The following RAP1GDS1 variants were observed in gnomAD, a reference collection of about 807,000 sequenced individuals.
RAP1GDS1 encodes Rap1 GTPase-GDP dissociation stimulator 1.
A neutral mutation model predicts 71.1 loss-of-function variants in RAP1GDS1; 35 were observed. The ratio of observed to expected loss-of-function variants is 0.49; its 90% CI spans 0.38 to 0.65. The LOEUF (loss-of-function observed/expected upper bound fraction) is 0.65. Ranked by LOEUF, RAP1GDS1 falls within the 30% of genes least tolerant of loss-of-function variation. The pLI is 0.00. For missense variants in RAP1GDS1, 663 were observed against 706.1 expected (o/e 0.94, Z 0.69); for synonymous variants, 229 against 243.1 (o/e 0.94, Z 0.54).
At chr4:98,336,370 T>C (rs1340175918) in intron 2 of RAP1GDS1, among the ~76,000 whole-genome samples, 1 of 152,172 alleles carries the variant, frequency 6.6e-6, no homozygotes, top group Non-Finnish European at 1.5e-5. Flanking sequence ...TTAAAGAAAA[T>C]AGTCAAACTA....
chr4:98,437,795 A>C (rs1751349423), intron 14 of RAP1GDS1, among the ~76,000 whole-genome samples: 1 of 151,748 alleles, frequency 6.6e-6, no homozygotes, highest in Admixed American at 6.6e-5. Context: ...CTGTCTCAAA[A>C]AAAAAAAAAA....
intron 1 of RAP1GDS1, among the ~76,000 whole-genome samples, chr4:98,272,056 C>T (rs1269808502): frequency 1.3e-5 from 2 of 152,154 alleles, no homozygotes; most frequent in Non-Finnish European, 2.9e-5. Flanking sequence ...TGATGCCACA[C>T]TGGGAACAGC....
At chr4:98,304,098 G>C (rs934902365) in intron 2 of RAP1GDS1, among the ~76,000 whole-genome samples, 1 of 152,094 alleles carries the variant, frequency 6.6e-6, no homozygotes, top group Non-Finnish European at 1.5e-5. Context: ...GTCTATCATT[G>C]ATGGGCATTT....
intron 1 of RAP1GDS1, among the ~76,000 whole-genome samples, chr4:98,268,180 A>C (rs1722961066): frequency 6.6e-6 from 1 of 152,216 alleles, no homozygotes; most frequent in Non-Finnish European, 1.5e-5. Context: ...AAATCAATAA[A>C]TGTGATACAC....
At chr4:98,388,005 T>C (rs757300672) in intron 5 of RAP1GDS1, among the ~76,000 whole-genome samples, 49 of 152,224 alleles carry the variant, frequency 3.2e-4, no homozygotes, top group Non-Finnish European at 6.3e-4. Flanking sequence ...ATACCATGGA[T>C]GTCAGCTATT....
chr4:98,416,917 A>C, intron 8 of RAP1GDS1, 29 bp downstream of exon 8: 1 of 1,605,366 alleles, frequency 6.2e-7, no homozygotes, highest in African/African-American at 1.3e-5. Context: ...CAGCCAAAGA[A>C]TGTGGTTGTC....
intron 5 of RAP1GDS1, among the ~76,000 whole-genome samples, chr4:98,389,015 ATTTGTGATGGTGAAG>A (rs1743202503): frequency 6.6e-6 from 1 of 152,188 alleles, no homozygotes; most frequent in African/African-American, 2.4e-5. Flanking sequence ...TTGTTTTACT[ATTTGTGATGGTGAAG>A]AAAACAATGG....
intron 2 of RAP1GDS1, among the ~76,000 whole-genome samples, chr4:98,341,246 G>A (rs1356949507): frequency 6.6e-6 from 1 of 152,068 alleles, no homozygotes; most frequent in African/African-American, 2.4e-5. Context: ...GAAAAACCAG[G>A]TTATGTTTTT....
chr4:98,421,313 G>T lies in RAP1GDS1; in HGVS notation c.1359G>T (p.Trp453Cys), dbSNP rs772946625. Residue 453 changes from tryptophan to cysteine, a missense_variant, in exon 12 of 15, where the codon TGG (tryptophan) becomes TGT (cysteine). By Grantham distance (215) the Trp-to-Cys change is radical. Transcript: ENST00000408927. The part of the protein sequence containing the change: ...NVKLVERLVE[W>C]CEAKDHAGVM... ...AGTTAGTGGAGCGTTTGGTGGAATG[G>T]TGTGAAGCCAAAGATCATGCTGGTG... 2.4e-5 allele frequency: 39 copies of T among 1,612,220 alleles called. No homozygotes were observed. Among genetic ancestry groups the T allele is most frequent in the Middle Eastern group, 1.6e-4 (1 of 6,074 alleles).
chr4:98,266,433 A>G (rs1217735635), intron 1 of RAP1GDS1, among the ~76,000 whole-genome samples: 1 of 152,098 alleles, frequency 6.6e-6, no homozygotes, highest in Non-Finnish European at 1.5e-5. Context: ...TTCTAATTAT[A>G]TTTTTAATTC....
chr4:98,421,000 G>A (rs762474238), intron 11 of RAP1GDS1, among the ~76,000 whole-genome samples: 4 of 152,014 alleles, frequency 2.6e-5, no homozygotes, highest in Admixed American at 6.6e-5. Flanking sequence ...ATTATAGTCC[G>A]CCAGAGCACT....
At chr4:98,384,392 T>C (rs1742435750) in intron 5 of RAP1GDS1, among the ~76,000 whole-genome samples, 1 of 151,666 alleles carries the variant, frequency 6.6e-6, no homozygotes, top group South Asian at 2.1e-4. Context: ...TAAAAATTCC[T>C]GAATTTTTGC....
rs189214942 is a variant in RAP1GDS1 at position 98,442,608 on chromosome 4, C to T, written c.*491C>T. ...GCTGCTTATTCATTAGTCTTTCCTA[C>T]TGATGTCAAATCCATGGTACCTAGA... On this transcript the variant is annotated 3_prime_UTR_variant, in exon 15 of 15. Transcript: ENST00000408927. 1 of 228,124 alleles carries T rather than the reference C, an allele frequency of 4.4e-6. No individual in the cohort carries two copies. Among genetic ancestry groups the T allele is most frequent in the East Asian group, 6.4e-5 (1 of 15,738 alleles). 14.1% of individuals were successfully genotyped at this position (228,124 alleles called of 1,614,324 possible). A position where few individuals can be genotyped will look rare whatever the true frequency, so the allele number is the denominator to read the frequency against.
chr4:98,275,170 A>G (rs1484946531), intron 1 of RAP1GDS1, among the ~76,000 whole-genome samples: 1 of 152,120 alleles, frequency 6.6e-6, no homozygotes, highest in Non-Finnish European at 1.5e-5. Context: ...ATCGATGTAT[A>G]TTGTATAGTA....
intron 2 of RAP1GDS1, among the ~76,000 whole-genome samples, chr4:98,340,608 G>A (rs1735356962): frequency 6.6e-6 from 1 of 152,080 alleles, no homozygotes; most frequent in East Asian, 1.9e-4. Context: ...AATTAGCTAG[G>A]CATTGGGGTG....
At chr4:98,311,133 A>G (rs749442652) in intron 2 of RAP1GDS1, among the ~76,000 whole-genome samples, 4 of 152,212 alleles carry the variant, frequency 2.6e-5, no homozygotes, top group Non-Finnish European at 5.9e-5. Context: ...ACTTTAAACC[A>G]TAAGGTTTTA....
At chr4:98,427,203 C>G (rs1200783735) in intron 12 of RAP1GDS1, among the ~76,000 whole-genome samples, 2 of 151,950 alleles carry the variant, frequency 1.3e-5, no homozygotes, top group Non-Finnish European at 1.5e-5. Flanking sequence ...AATTAACATA[C>G]CAGTGACATA....
chr4:98,294,247 A>G (rs1484646627), intron 2 of RAP1GDS1, among the ~76,000 whole-genome samples: 4 of 151,992 alleles, frequency 2.6e-5, no homozygotes, highest in African/African-American at 4.8e-5. Context: ...GTTTTTAATT[A>G]TGCTCTTGTC....
chr4:98,435,771 G>A (rs1751040028), intron 13 of RAP1GDS1, among the ~76,000 whole-genome samples: 2 of 151,766 alleles, frequency 1.3e-5, no homozygotes, highest in African/African-American at 4.8e-5. Flanking sequence ...TTACATTTAA[G>A]TCTGTAATCC....
Sources: gnomAD v4.1 joint callset for allele counts (sites outside exome capture counted in the v4.1 genomes callset) on GRCh38, gnomAD v4.1.1 for gene constraint, MANE v1.5 for transcripts, NCBI Gene and HGNC (gene_info 2026-07-23, HGNC 2026-07-21) for gene names.